Variants in C1orf21 observed in about 807,000 individuals in gnomAD.
The protein encoded by C1orf21 is chromosome 1 open reading frame 21.
C1orf21 carries 3 observed loss-of-function variants against 18.7 expected under a neutral mutation model. The observed-to-expected ratio is 0.16, with a 90% CI of 0.07 to 0.42. C1orf21 has a LOEUF of 0.42. C1orf21 is among the 10% of genes least tolerant of loss of function. The pLI, the probability that C1orf21 is intolerant of heterozygous loss-of-function variation, is 0.99. For missense variants in C1orf21, 104 were observed against 143.6 expected (o/e 0.72, Z 1.41); for synonymous variants, 41 against 46.4 (o/e 0.88, Z 0.47).
intron 1 of C1orf21, among the ~76,000 whole-genome samples, chr1:184,397,820 T>C (rs990399473): frequency 6.6e-6 from 1 of 152,178 alleles, no homozygotes; most frequent in African/African-American, 2.4e-5. Flanking sequence ...GTGTGTGCGT[T>C]AATTTGTAAG....
chr1:184,534,175 C>T (rs1009444159), intron 3 of C1orf21, among the ~76,000 whole-genome samples: 3 of 152,200 alleles, frequency 2.0e-5, no homozygotes, highest in Non-Finnish European at 4.4e-5. Flanking sequence ...TTTACAGTCA[C>T]TAGCTCATTG....
In C1orf21 at chr1:184,621,114, GA is replaced by G. The variant is rs1659910056; in HGVS notation, c.*1562del. On this transcript the variant is annotated 3_prime_UTR_variant, in exon 6 of 6. Coordinates refer to ENST00000235307, the MANE Select transcript of C1orf21 (RefSeq NM_030806.4). ...TGTTCTATGTCAATTTGCTCTTGCC[GA>G]AAAGATGAGCCTCGATTTTAAAATC... The G allele has an allele frequency of 2.0e-5, 3 of 152,480 alleles. No individual in the cohort carries two copies. The South Asian group carries it at 6.2e-4, about 32-fold the overall frequency. The allele number at this position is 152,480 out of a possible 1,614,324, so 9.4% of individuals were successfully genotyped here.
Position 184,619,542 on chromosome 1 carries a change from G to A in C1orf21, c.352G>A (p.Glu118Lys). The A allele has an allele frequency of 6.2e-7, 1 of 1,613,722 alleles. No homozygotes were observed. The highest frequency in any genetic ancestry group is 8.5e-7 in the Non-Finnish European group (1 of 1,179,884). ...EKGRDYCSEE[E>K]DIT The stretch of plus-strand genomic sequence containing the variant: ...GGGTCGGGATTACTGTTCGGAAGAA[G>A]AGGATATCACATAGCACCAATTTTA... The change falls in exon 6 of 6, where the codon GAG becomes AAG. Residue 118 changes from glutamate to lysine, a missense_variant. Physicochemically the swap from Glu to Lys is moderately conservative, Grantham distance 56. Transcript: ENST00000235307.
At chr1:184,547,915 T>C (rs527353989) in intron 3 of C1orf21, among the ~76,000 whole-genome samples, 1 of 152,284 alleles carries the variant, frequency 6.6e-6, no homozygotes, top group East Asian at 1.9e-4. Context: ...GCAGACAAGT[T>C]ATACCATTGG....
Position 184,588,375 on chromosome 1 carries a change from A to AT in C1orf21, c.190-2357dup, listed in dbSNP as rs201403030. ...ATTGATGGTGATTTTAACAAATGGG[A>AT]TTTTTTTATGTTGTACAATGAAATG... On this transcript the variant is annotated intron_variant, in intron 3 of 5. Coordinates refer to ENST00000235307, the MANE Select transcript of C1orf21 (RefSeq NM_030806.4). 1.7e-3 allele frequency among the ~76,000 whole-genome samples: 259 copies of AT among 152,242 alleles called. 5 individuals carry two copies. The East Asian group carries it at 0.037, about 22-fold the overall frequency.
intron 1 of C1orf21, among the ~76,000 whole-genome samples, chr1:184,401,790 A>C (rs986840375): frequency 4.6e-5 from 7 of 151,322 alleles, no homozygotes; most frequent in African/African-American, 1.5e-4. Flanking sequence ...AAAAAAAAAA[A>C]CCCAGGTGAA....
intron 1 of C1orf21, among the ~76,000 whole-genome samples, chr1:184,429,381 G>A (rs369897873): frequency 5.9e-5 from 9 of 152,184 alleles, no homozygotes; most frequent in East Asian, 3.9e-4. Flanking sequence ...AAATTATGTC[G>A]TTTGCAAATG....
intron 1 of C1orf21, among the ~76,000 whole-genome samples, chr1:184,475,898 G>C (rs1449927141): frequency 6.6e-6 from 1 of 151,792 alleles, no homozygotes; most frequent in Non-Finnish European, 1.5e-5. Flanking sequence ...TTCCTGGTTT[G>C]TAGAACTTTA....
intron 1 of C1orf21, among the ~76,000 whole-genome samples, chr1:184,457,679 C>T (rs967909986): frequency 1.3e-5 from 2 of 152,072 alleles, no homozygotes; most frequent in Admixed American, 6.5e-5. Flanking sequence ...GGTATCTTGC[C>T]AGCTATCCAT....
At chr1:184,600,168 T>G (rs1403400998) in intron 5 of C1orf21, among the ~76,000 whole-genome samples, 1 of 151,424 alleles carries the variant, frequency 6.6e-6, no homozygotes, top group Non-Finnish European at 1.5e-5. Context: ...CAATGTGGGT[T>G]TTTTTTTTCT....
At chr1:184,486,334 C>T (rs192787986) in intron 2 of C1orf21, among the ~76,000 whole-genome samples, 1 of 152,190 alleles carries the variant, frequency 6.6e-6, no homozygotes. Flanking sequence ...ATTCCAGTGT[C>T]ACCACTGCCT....
chr1:184,463,983 G>A lies in C1orf21; in HGVS notation c.-124-13403G>A, dbSNP rs1023909364. On this transcript the variant is annotated intron_variant, in intron 1 of 5. Coordinates refer to ENST00000235307, the MANE Select transcript of C1orf21 (RefSeq NM_030806.4). ...TAACAGATGGAGATTAATGGGGAGG[G>A]CTTTCTATTTAAGAGGAAGACTAAG... is the stretch of plus-strand genomic sequence containing the variant. Among the ~76,000 whole-genome samples, 4 of 152,084 alleles carry A rather than the reference G, an allele frequency of 2.6e-5. No individual in the cohort carries two copies. The East Asian group carries it at 7.7e-4, about 29-fold the overall frequency.
chr1:184,606,629 A>C (rs1011889139), intron 5 of C1orf21, among the ~76,000 whole-genome samples: 2 of 151,810 alleles, frequency 1.3e-5, no homozygotes, highest in African/African-American at 4.9e-5. Context: ...TTGTAACAAC[A>C]ACAAAAAAAA....
chr1:184,486,754 C>T (rs1404392448), intron 2 of C1orf21, among the ~76,000 whole-genome samples: 1 of 152,118 alleles, frequency 6.6e-6, no homozygotes, highest in Non-Finnish European at 1.5e-5. Context: ...TATCATGAGC[C>T]TGTTCTTTTG....
chr1:184,586,283 C>T (rs1659350606), intron 3 of C1orf21, among the ~76,000 whole-genome samples: 1 of 116,266 alleles, frequency 8.6e-6, no homozygotes, highest in African/African-American at 3.8e-5. Flanking sequence ...GTCTTTTGTC[C>T]ACTTTTTTTT....
intron 5 of C1orf21, among the ~76,000 whole-genome samples, chr1:184,613,463 C>T (rs1365227897): frequency 6.6e-6 from 1 of 152,186 alleles, no homozygotes; most frequent in African/African-American, 2.4e-5. Flanking sequence ...TCCTAAGTTC[C>T]AAGCTATTCA....
At chr1:184,490,549 G>C (rs1337717233) in intron 2 of C1orf21, among the ~76,000 whole-genome samples, 1 of 152,120 alleles carries the variant, frequency 6.6e-6, no homozygotes, top group Non-Finnish European at 1.5e-5. Flanking sequence ...AACTGGTGGA[G>C]ACATAACTTT....
intron 3 of C1orf21, among the ~76,000 whole-genome samples, chr1:184,536,048 AAAG>A (rs1658545285): frequency 6.6e-6 from 1 of 152,202 alleles, no homozygotes; most frequent in African/African-American, 2.4e-5. Context: ...GGAATTGCAG[AAAG>A]AAGATTTTAA....
chr1:184,577,420 G>A (rs139359245), intron 3 of C1orf21, among the ~76,000 whole-genome samples: 92 of 152,124 alleles, frequency 6.0e-4, no homozygotes, highest in African/African-American at 2.1e-3. Flanking sequence ...GAAGTGTCAC[G>A]TCATAAATCT....
Sources: allele counts gnomAD v4.1 joint callset (sites outside exome capture counted in the v4.1 genomes callset), GRCh38; gene constraint gnomAD v4.1.1; transcripts MANE v1.5; gene names NCBI Gene and HGNC (gene_info 2026-07-23, HGNC 2026-07-21).